AUTS2: variants seen among roughly 807,000 people sequenced by gnomAD.
The protein encoded by AUTS2 is autism susceptibility gene 2 protein.
Under a neutral mutation model 112.4 loss-of-function variants are expected in AUTS2, and 17 were observed. The ratio of observed to expected loss-of-function variants is 0.15; its 90% confidence interval spans 0.10 to 0.23. The LOEUF is 0.23. Ranked by LOEUF, AUTS2 falls within the 10% of genes least tolerant of loss-of-function variation. AUTS2 has a pLI of 1.00. For missense variants in AUTS2, 1,510 were observed against 1,701.6 expected, an observed-to-expected ratio of 0.89 and a Z score of 1.98; for synonymous variants, 751 against 702.7, an observed-to-expected ratio of 1.07 and a Z score of -1.09.
At chr7:70,548,930 C>G (rs1202029745) in intron 5 of AUTS2, among the ~76,000 whole-genome samples, 1 of 143,738 alleles carries the variant, frequency 7.0e-6, no homozygotes, top group East Asian at 2.0e-4. Flanking sequence ...TTCTACCCCC[C>G]CCCCAAAAAA....
intron 5 of AUTS2, among the ~76,000 whole-genome samples, chr7:70,458,803 C>T (rs1232374404): frequency 6.6e-6 from 1 of 152,200 alleles, no homozygotes; most frequent in Non-Finnish European, 1.5e-5. Context: ...TTGTGTCACC[C>T]AGAATTTGTT....
intron 2 of AUTS2, among the ~76,000 whole-genome samples, chr7:70,015,097 A>G (rs930290267): frequency 3.9e-5 from 6 of 152,216 alleles, no homozygotes; most frequent in African/African-American, 1.4e-4. Flanking sequence ...TGTCTCAAGG[A>G]TGAAGAGAGG....
chr7:70,712,637 G>C (rs1009456778), intron 6 of AUTS2, among the ~76,000 whole-genome samples: 4 of 152,190 alleles, frequency 2.6e-5, no homozygotes, highest in African/African-American at 9.6e-5. Flanking sequence ...AAGCCTTCCA[G>C]GTAGTTCTAA....
intron 1 of AUTS2, among the ~76,000 whole-genome samples, chr7:69,801,812 C>CT (rs959941707): frequency 2.0e-5 from 3 of 151,906 alleles, no homozygotes; most frequent in African/African-American, 7.3e-5. Context: ...AAGGGAATGT[C>CT]AATAAAGAAA....
chr7:70,286,879 T>C (rs1788484646), intron 4 of AUTS2, among the ~76,000 whole-genome samples: 1 of 152,180 alleles, frequency 6.6e-6, no homozygotes, highest in African/African-American at 2.4e-5. Flanking sequence ...ATTGGACACA[T>C]GAGCTACCCA....
intron 6 of AUTS2, chr7:70,729,211 G>T (rs780545012): frequency 3.1e-5 from 14 of 456,396 alleles, no homozygotes; most frequent in Non-Finnish European, 5.7e-5. Flanking sequence ...CTCCCGTGCC[G>T]ATGGTTAAAG....
At chr7:69,650,484 G>A (rs1383730809) in intron 1 of AUTS2, among the ~76,000 whole-genome samples, 1 of 152,136 alleles carries the variant, frequency 6.6e-6, no homozygotes, top group African/African-American at 2.4e-5. Flanking sequence ...TTGAAGGCGT[G>A]GATTACCAGT....
At chr7:70,004,721 A>C (rs1030110369) in intron 2 of AUTS2, among the ~76,000 whole-genome samples, 3 of 151,864 alleles carry the variant, frequency 2.0e-5, no homozygotes, top group African/African-American at 7.3e-5. Flanking sequence ...GGGGGAAAAA[A>C]AATTACTTCA....
At chr7:69,665,557 A>G (rs747689858) in intron 1 of AUTS2, among the ~76,000 whole-genome samples, 9 of 152,152 alleles carry the variant, frequency 5.9e-5, no homozygotes, top group Non-Finnish European at 8.8e-5. Context: ...ATCTATCCAG[A>G]TTTCCAGCTG....
chr7:69,825,404 C>A (rs1046487123), intron 1 of AUTS2, among the ~76,000 whole-genome samples: 3 of 152,174 alleles, frequency 2.0e-5, no homozygotes, highest in Non-Finnish European at 4.4e-5. Flanking sequence ...TAGGGTATAA[C>A]TGGGCTGAGA....
chr7:70,127,195 A>G (rs983924785), intron 3 of AUTS2, among the ~76,000 whole-genome samples: 2 of 151,638 alleles, frequency 1.3e-5, no homozygotes, highest in Non-Finnish European at 2.9e-5. Context: ...TTGCAGTGGC[A>G]TGATCACAGC....
chr7:70,231,133 T>G (rs938400677), intron 4 of AUTS2, among the ~76,000 whole-genome samples: 1 of 152,248 alleles, frequency 6.6e-6, no homozygotes, highest in Non-Finnish European at 1.5e-5. Flanking sequence ...AATTTTGTTC[T>G]GTTTCATTGT....
intron 1 of AUTS2, among the ~76,000 whole-genome samples, chr7:69,889,795 C>G (rs1466471605): frequency 6.6e-6 from 1 of 152,182 alleles, no homozygotes; most frequent in Non-Finnish European, 1.5e-5. Context: ...TTCTGCTTGT[C>G]TTTCTTCAGT....
Position 69,768,417 on chromosome 7 carries a change from C to T in AUTS2, c.310-130869C>T, listed in dbSNP as rs974003537. 2.6e-5 allele frequency among the ~76,000 whole-genome samples: 4 copies of T among 152,278 alleles called. No homozygotes were observed. The South Asian group carries it at 8.3e-4, about 32-fold the overall frequency. On this transcript the variant is annotated intron_variant, in intron 1 of 18. Transcript: ENST00000342771. The stretch of plus-strand genomic sequence containing the variant: ...TAGATAGTGAAAAAGACACACAGAA[C>T]GGAGGTTACCTGCTCAGTTCAAACC...
chr7:70,299,733 A>G (rs1003358993), intron 4 of AUTS2, among the ~76,000 whole-genome samples: 23 of 152,182 alleles, frequency 1.5e-4, no homozygotes, highest in African/African-American at 5.1e-4. Context: ...GGACATTTGG[A>G]AATATTTATA....
chr7:69,879,196 C>T (rs147453760), intron 1 of AUTS2, among the ~76,000 whole-genome samples: 82 of 151,806 alleles, frequency 5.4e-4, no homozygotes, highest in African/African-American at 9.4e-4. Flanking sequence ...GGCTGGAGTG[C>T]GGTGGCACGA....
intron 2 of AUTS2, among the ~76,000 whole-genome samples, chr7:69,956,949 A>T (rs1411141055): frequency 6.6e-6 from 1 of 151,898 alleles, no homozygotes. Context: ...TGCAGCCTCA[A>T]CCTCCTGGGC....
intron 4 of AUTS2, among the ~76,000 whole-genome samples, chr7:70,304,572 GA>G (rs1429715248): frequency 6.6e-6 from 1 of 152,158 alleles, no homozygotes; most frequent in East Asian, 1.9e-4. Context: ...AATGTCTTGT[GA>G]AAATCCTGTG....
At chr7:70,235,043 T>A (rs553569307) in intron 4 of AUTS2, among the ~76,000 whole-genome samples, 2 of 152,298 alleles carry the variant, frequency 1.3e-5, no homozygotes, top group South Asian at 4.1e-4. Flanking sequence ...TTCCTCAAAA[T>A]CCATGTATTA....
Sources: allele counts gnomAD v4.1 joint callset (sites outside exome capture counted in the v4.1 genomes callset), GRCh38; gene constraint gnomAD v4.1.1; transcripts MANE v1.5; gene names NCBI Gene and HGNC (gene_info 2026-07-23, HGNC 2026-07-21).